The following RASEF variants were observed in gnomAD, a reference collection of about 807,000 sequenced individuals.
RASEF encodes the protein RAS and EF-hand domain containing, also known as ras and EF-hand domain-containing protein.
Under a neutral mutation model 90.1 loss-of-function variants are expected in RASEF, and 68 were observed. That is an observed-to-expected ratio of 0.75 (90% CI 0.62 to 0.92). The LOEUF (loss-of-function observed/expected upper bound fraction) is 0.92, where lower values mean the gene tolerates loss of function less well. RASEF is among the 40% of genes least tolerant of loss of function. The pLI is 0.00. For missense variants in RASEF, 949 were observed against 937.2 expected, an observed-to-expected ratio of 1.01 and a Z score of -0.16; for synonymous variants, 331 against 345.2, an observed-to-expected ratio of 0.96 and a Z score of 0.46.
At chr9:82,985,484 C>A (rs1156942518) in intron 16 of RASEF, among the ~76,000 whole-genome samples, 1 of 152,180 alleles carries the variant, frequency 6.6e-6, no homozygotes, top group Admixed American at 6.5e-5. Context: ...GGTGGGGACA[C>A]AGCCAAACCA....
the RASEF span, among the ~76,000 whole-genome samples, chr9:83,184,681 G>C: frequency 1.3e-5 from 2 of 152,188 alleles, no homozygotes; most frequent in African/African-American, 4.8e-5. Flanking sequence ...GTCCCACCCC[G>C]ATCTACACCT....
At chr9:83,018,193 T>C (rs1829378115) in intron 3 of RASEF, among the ~76,000 whole-genome samples, 1 of 145,888 alleles carries the variant, frequency 6.9e-6, no homozygotes, top group Non-Finnish European at 1.5e-5. Context: ...TAAAATGTTT[T>C]TATTAATATA....
intron 1 of RASEF, among the ~76,000 whole-genome samples, chr9:83,036,729 A>G (rs1292499041): frequency 6.6e-6 from 1 of 152,190 alleles, no homozygotes. Flanking sequence ...GACTTTAGGG[A>G]AAAACTGAGG....
chr9:83,098,744 G>A, the RASEF span, among the ~76,000 whole-genome samples: 1 of 152,172 alleles, frequency 6.6e-6, no homozygotes, highest in Admixed American at 6.5e-5. Flanking sequence ...CAAAGAGGGA[G>A]CTTGTGCAGG....
intron 1 of RASEF, among the ~76,000 whole-genome samples, chr9:83,043,400 G>GC (rs1554709868): frequency 0.017 from 1,031 of 59,912 alleles, 10 homozygotes; most frequent in African/African-American, 0.04. Context: ...CAGTGATTGG[G>GC]GGGGGGGACC....
intron 5 of RASEF, among the ~76,000 whole-genome samples, chr9:83,011,164 T>C (rs550378001): frequency 3.3e-5 from 5 of 152,176 alleles, no homozygotes; most frequent in South Asian, 4.2e-4. Context: ...TCCCAAAAAA[T>C]TGTAATATGC....
the RASEF span, among the ~76,000 whole-genome samples, chr9:83,160,145 C>T: frequency 6.6e-6 from 1 of 152,102 alleles, no homozygotes; most frequent in African/African-American, 2.4e-5. Context: ...GGGTGGGGCA[C>T]TGCTGAAAAG....
At chr9:83,218,259 C>T in the RASEF span, among the ~76,000 whole-genome samples, 31 of 152,232 alleles carry the variant, frequency 2.0e-4, no homozygotes, top group East Asian at 5.8e-4. Context: ...AAATTCTCTG[C>T]GCCTCCCTTT....
chr9:83,073,395 C>G, the RASEF span, among the ~76,000 whole-genome samples: 1 of 152,238 alleles, frequency 6.6e-6, no homozygotes, highest in African/African-American at 2.4e-5. Context: ...TCTACCCCAC[C>G]CCTCCATGGT....
At chr9:83,075,182 C>T in the RASEF span, among the ~76,000 whole-genome samples, 3 of 152,202 alleles carry the variant, frequency 2.0e-5, no homozygotes, top group African/African-American at 7.2e-5. Context: ...CCCATGTTGC[C>T]TTACCTTCCA....
At chr9:83,081,372 T>A in the RASEF span, among the ~76,000 whole-genome samples, 14 of 152,252 alleles carry the variant, frequency 9.2e-5, no homozygotes, top group African/African-American at 3.1e-4. Flanking sequence ...CTTGATAGTC[T>A]GTTAGTAAAT....
At chr9:83,168,404 T>C in the RASEF span, among the ~76,000 whole-genome samples, 1 of 152,128 alleles carries the variant, frequency 6.6e-6, no homozygotes, top group Non-Finnish European at 1.5e-5. Flanking sequence ...ATTTATGAGG[T>C]ACATGTGATA....
chr9:83,087,409 C>CTT, the RASEF span, among the ~76,000 whole-genome samples: 1 of 144,768 alleles, frequency 6.9e-6, no homozygotes, highest in Admixed American at 6.9e-5. Flanking sequence ...CATTCATTCT[C>CTT]TCTCTCTCTC....
chr9:83,173,153 C>A, the RASEF span, among the ~76,000 whole-genome samples: 1 of 151,838 alleles, frequency 6.6e-6, no homozygotes, highest in Admixed American at 6.6e-5. Flanking sequence ...TGCTTCTTTT[C>A]AATTGCTGTT....
the RASEF span, among the ~76,000 whole-genome samples, chr9:83,174,953 T>C: frequency 1.7e-4 from 26 of 152,300 alleles, no homozygotes; most frequent in South Asian, 5.2e-3. Context: ...CAACTAAATT[T>C]TATATTGATC....
chr9:83,217,187 C>T, the RASEF span, among the ~76,000 whole-genome samples: 23 of 151,938 alleles, frequency 1.5e-4, no homozygotes, highest in African/African-American at 4.8e-4. Context: ...GGTATTTATC[C>T]GATGCTTTTA....
At chr9:83,011,339 G>T (rs1829239147) in intron 5 of RASEF, among the ~76,000 whole-genome samples, 1 of 151,982 alleles carries the variant, frequency 6.6e-6, no homozygotes, top group Admixed American at 6.6e-5. Flanking sequence ...TGATCATGAG[G>T]TCAAGAGATT....
chr9:83,201,849 A>T, the RASEF span: 3 of 152,342 alleles, frequency 2.0e-5, no homozygotes, highest in Non-Finnish European at 4.4e-5. Flanking sequence ...TATATACAAT[A>T]ATATCTCCCT....
chr9:83,112,790 C>G, the RASEF span, among the ~76,000 whole-genome samples: 1 of 151,040 alleles, frequency 6.6e-6, no homozygotes, highest in Non-Finnish European at 1.5e-5. Context: ...AAAAAAGATA[C>G]AAAACTCTAT....
Sources: allele counts gnomAD v4.1 joint callset (sites outside exome capture counted in the v4.1 genomes callset), GRCh38; gene constraint gnomAD v4.1.1; transcripts MANE v1.5; gene names NCBI Gene and HGNC (gene_info 2026-07-23, HGNC 2026-07-21).